TMEM163: variants seen among roughly 807,000 people sequenced by gnomAD.
TMEM163 encodes the protein transmembrane protein 163.
In TMEM163, 17 loss-of-function variants were observed where a neutral mutation model predicts 29.3. The ratio of observed to expected loss-of-function variants is 0.58; its 90% CI spans 0.40 to 0.87. The LOEUF is 0.87. TMEM163 is among the 40% of genes least tolerant of loss of function. TMEM163 has a pLI of 0.00. For missense variants in TMEM163, 303 were observed against 381.5 expected, an observed-to-expected ratio of 0.79 and a Z score of 1.71; for synonymous variants, 157 against 160.6, an observed-to-expected ratio of 0.98 and a Z score of 0.17.
At chr2:134,529,320 C>T (rs1217849491) in intron 4 of TMEM163, among the ~76,000 whole-genome samples, 2 of 151,968 alleles carry the variant, frequency 1.3e-5, no homozygotes, top group African/African-American at 4.8e-5. Context: ...GACAGAGTCT[C>T]GCTCTGTCTC....
chr2:134,718,601 G>T (rs939960715), intron 1 of TMEM163, 133 bp downstream of exon 1: 2 of 604,072 alleles, frequency 3.3e-6, no homozygotes, highest in Non-Finnish European at 4.4e-6. Context: ...CGGCGTTCTC[G>T]CCGGGAAGTC....
At chr2:134,684,869 G>A (rs1483459300) in intron 2 of TMEM163, among the ~76,000 whole-genome samples, 3 of 149,730 alleles carry the variant, frequency 2.0e-5, no homozygotes, top group Non-Finnish European at 4.4e-5. Context: ...GTTGCAGTGA[G>A]CCAAGATTGT....
intron 5 of TMEM163, among the ~76,000 whole-genome samples, chr2:134,472,865 A>T (rs1686834970): frequency 6.6e-6 from 1 of 152,244 alleles, no homozygotes; most frequent in Non-Finnish European, 1.5e-5. Context: ...TAAAAAACTG[A>T]ATTATACAAG....
intron 2 of TMEM163, among the ~76,000 whole-genome samples, chr2:134,648,408 T>C (rs1230748224): frequency 6.6e-6 from 1 of 151,590 alleles, no homozygotes. Flanking sequence ...AGGCCATGGG[T>C]GGTTTTGGAA....
chr2:134,457,472 T>C (rs1013944978), intron 7 of TMEM163, among the ~76,000 whole-genome samples: 6 of 152,260 alleles, frequency 3.9e-5, no homozygotes, highest in Non-Finnish European at 8.8e-5. Flanking sequence ...AATGGAAGCA[T>C]TTTAACATTT....
chr2:134,499,217 C>T (rs1435627016), intron 5 of TMEM163, among the ~76,000 whole-genome samples: 3 of 152,142 alleles, frequency 2.0e-5, no homozygotes, highest in Admixed American at 6.5e-5. Flanking sequence ...GTCGGGGAGG[C>T]AGAGGGTCAG....
At chr2:134,697,203 T>C (rs1294539731) in intron 2 of TMEM163, among the ~76,000 whole-genome samples, 2 of 152,264 alleles carry the variant, frequency 1.3e-5, no homozygotes, top group East Asian at 3.9e-4. Context: ...CCATATACAG[T>C]ACCTTTCTTT....
In TMEM163 at chr2:134,456,654, G is replaced by A. The variant is rs1285761630; in HGVS notation, c.*62C>T. On this transcript the variant is annotated 3_prime_UTR_variant, in exon 8 of 8. Coordinates refer to ENST00000281924, the MANE Select transcript of TMEM163 (RefSeq NM_030923.5). ...GAAACCAGATGTTCAGTTAAATATT[G>A]GCACCCTTTGCCTATGTGGAAACTC... 6.4e-7 allele frequency: 1 copy of A among 1,571,038 alleles called. No homozygotes were observed. Among genetic ancestry groups the A allele is most frequent in the Non-Finnish European group, 8.7e-7 (1 of 1,144,776 alleles).
chr2:134,513,476 C>A (rs1679992954), intron 4 of TMEM163, among the ~76,000 whole-genome samples: 1 of 152,218 alleles, frequency 6.6e-6, no homozygotes, highest in African/African-American at 2.4e-5. Flanking sequence ...ACGGATCCAG[C>A]TGGGAAGCTG....
Position 134,621,190 on chromosome 2 carries a change from A to G in TMEM163, c.323-69099T>C, listed in dbSNP as rs561160788. Among the ~76,000 whole-genome samples, 203 of 152,354 alleles carry G rather than the reference A, an allele frequency of 1.3e-3. 1 individual carries two copies. The highest frequency in any genetic ancestry group is 4.5e-3 in the African/African-American group (188 of 41,590). ...ATGATTTGAGCATATATTTCACCAAAGAAGAAAACACACATGGCTAATAAG... is the reference window on the plus strand; with the variant it reads ...ATGATTTGAGCATATATTTCACCAAGGAAGAAAACACACATGGCTAATAAG... On this transcript the variant is annotated intron_variant, in intron 2 of 7. Transcript: ENST00000281924.
rs75010263 is a variant in TMEM163, at chr2:134,599,516, C to T, written c.323-47425G>A. Among the ~76,000 whole-genome samples, 94 of 152,128 alleles carry T rather than the reference C, an allele frequency of 6.2e-4. 2 individuals are homozygous for T. The East Asian group carries it at 0.013, about 21-fold the overall frequency. ...TCTGCACCCGGAGGAGGGCCCTCAG[C>T]AGAACCTGATCGTACACCCTCATCT... is the stretch of plus-strand genomic sequence containing the variant. On this transcript the variant is annotated intron_variant, in intron 2 of 7. Transcript: ENST00000281924.
intron 2 of TMEM163, among the ~76,000 whole-genome samples, chr2:134,615,968 C>T (rs1682601656): frequency 6.6e-6 from 1 of 152,102 alleles, no homozygotes; most frequent in Non-Finnish European, 1.5e-5. Flanking sequence ...AAGAGCAGAG[C>T]TTTCAGTGGA....
intron 4 of TMEM163, among the ~76,000 whole-genome samples, chr2:134,535,848 G>A (rs1680526757): frequency 6.6e-6 from 1 of 151,842 alleles, no homozygotes; most frequent in African/African-American, 2.4e-5. Context: ...TCAGTTGCCT[G>A]AGTAGCTGGG....
chr2:134,583,019 G>T (rs1681731457), intron 2 of TMEM163, among the ~76,000 whole-genome samples: 1 of 152,078 alleles, frequency 6.6e-6, no homozygotes, highest in South Asian at 2.1e-4. Flanking sequence ...ATTTTAACAG[G>T]CATCTCTGTG....
chr2:134,584,654 A>T (rs1681770658), intron 2 of TMEM163, among the ~76,000 whole-genome samples: 1 of 147,336 alleles, frequency 6.8e-6, no homozygotes, highest in Admixed American at 6.7e-5. Flanking sequence ...AAAAAAAAAA[A>T]GTACAAAGGC....
intron 2 of TMEM163, among the ~76,000 whole-genome samples, chr2:134,588,033 G>C (rs188071508): frequency 3.9e-5 from 6 of 152,314 alleles, no homozygotes; most frequent in African/African-American, 1.4e-4. Flanking sequence ...ACATCAGCCA[G>C]GTTCCTACCC....
chr2:134,529,183 T>A (rs1680360637), intron 4 of TMEM163, among the ~76,000 whole-genome samples: 1 of 149,576 alleles, frequency 6.7e-6, no homozygotes, highest in Non-Finnish European at 1.5e-5. Context: ...ATAAAAAAAT[T>A]AGCTGCGCCT....
intron 2 of TMEM163, among the ~76,000 whole-genome samples, chr2:134,706,953 A>G (rs1305994684): frequency 6.6e-6 from 1 of 152,150 alleles, no homozygotes; most frequent in Non-Finnish European, 1.5e-5. Flanking sequence ...AGGCAGGGAG[A>G]GTTGTCGGAG....
intron 1 of TMEM163, among the ~76,000 whole-genome samples, chr2:134,714,513 G>A (rs773756426): frequency 2.0e-5 from 3 of 152,164 alleles, no homozygotes; most frequent in Non-Finnish European, 4.4e-5. Flanking sequence ...CTGATCAAAA[G>A]TTAAAGCCAG....
Sources: allele counts gnomAD v4.1 joint callset (sites outside exome capture counted in the v4.1 genomes callset), GRCh38; gene constraint gnomAD v4.1.1; transcripts MANE v1.5; gene names NCBI Gene and HGNC (gene_info 2026-07-23, HGNC 2026-07-21).